Variants in BMPR1B observed in about 807,000 individuals in gnomAD.
BMPR1B encodes the protein bone morphogenetic protein receptor type 1B.
BMPR1B carries 12 observed loss-of-function variants against 59.1 expected under a neutral mutation model. The observed-to-expected ratio is 0.20, with a 90% confidence interval of 0.13 to 0.33. BMPR1B has a LOEUF of 0.33. Among genes scored for constraint, BMPR1B ranks in the 10% least tolerant of loss-of-function variants. The probability of loss-of-function intolerance (pLI) is 1.00; values close to 1 mark genes in which losing one functional copy is unlikely to be tolerated. For synonymous variants in BMPR1B, 237 were observed against 207.3 expected (o/e 1.14, Z -1.23); for missense variants, 550 against 610.9 (o/e 0.90, Z 1.05).
intron 6 of BMPR1B, among the ~76,000 whole-genome samples, chr4:95,116,265 G>A (rs1192997060): frequency 6.6e-6 from 1 of 151,928 alleles, no homozygotes; most frequent in Non-Finnish European, 1.5e-5. Flanking sequence ...ATAAAATGGG[G>A]AAGGTATCTA....
At chr4:95,036,141 A>G (rs867693051) in intron 3 of BMPR1B, among the ~76,000 whole-genome samples, 11 of 152,240 alleles carry the variant, frequency 7.2e-5, no homozygotes, top group Middle Eastern at 3.4e-3. Context: ...TTGGGGATAT[A>G]TGAGATATTT....
chr4:95,083,113 A>G (rs1238661234), intron 3 of BMPR1B, among the ~76,000 whole-genome samples: 2 of 151,840 alleles, frequency 1.3e-5, no homozygotes, highest in Admixed American at 1.3e-4. Context: ...ATCTTCCTAC[A>G]ACCTCATTTT....
chr4:95,008,308 T>C (rs1722992150), intron 3 of BMPR1B, among the ~76,000 whole-genome samples: 1 of 152,200 alleles, frequency 6.6e-6, no homozygotes, highest in South Asian at 2.1e-4. Context: ...TTCTTTTCCC[T>C]TAACCACTCT....
chr4:94,928,164 ATT>A (rs201354985), intron 2 of BMPR1B, among the ~76,000 whole-genome samples: 3 of 140,242 alleles, frequency 2.1e-5, no homozygotes. Flanking sequence ...GTTTTATTGT[ATT>A]TTTTTTTTTT....
At chr4:94,929,009 A>G (rs113135166) in intron 2 of BMPR1B, among the ~76,000 whole-genome samples, 14 of 152,224 alleles carry the variant, frequency 9.2e-5, no homozygotes, top group African/African-American at 3.4e-4. Context: ...ACACAACTCT[A>G]TGAACAGTTT....
chr4:94,984,096 G>A (rs918085741), intron 2 of BMPR1B, among the ~76,000 whole-genome samples: 1 of 152,202 alleles, frequency 6.6e-6, no homozygotes, highest in Non-Finnish European at 1.5e-5. Flanking sequence ...ATTGGAGGGG[G>A]AGGGCATGGT....
At chr4:95,110,937 G>A (rs559192381) in intron 4 of BMPR1B, among the ~76,000 whole-genome samples, 69 of 152,214 alleles carry the variant, frequency 4.5e-4, no homozygotes, top group African/African-American at 2.2e-4. Flanking sequence ...GTATCTTTGC[G>A]TTTACCTGTG....
chr4:94,934,658 G>C (rs561910125), intron 2 of BMPR1B, among the ~76,000 whole-genome samples: 1 of 152,124 alleles, frequency 6.6e-6, no homozygotes, highest in East Asian at 1.9e-4. Flanking sequence ...TTATGGAACT[G>C]AGAGTCTGAG....
At chr4:94,786,804 A>G (rs1722781628) in intron 1 of BMPR1B, among the ~76,000 whole-genome samples, 1 of 152,086 alleles carries the variant, frequency 6.6e-6, no homozygotes, top group African/African-American at 2.4e-5. Context: ...TTTGCCTCCC[A>G]AAGTGCTGGG....
intron 2 of BMPR1B, among the ~76,000 whole-genome samples, chr4:94,988,927 A>C (rs188492311): frequency 6.6e-6 from 1 of 152,022 alleles, no homozygotes; most frequent in Non-Finnish European, 1.5e-5. Flanking sequence ...CCTAGAGTCA[A>C]TTTTCTTTCT....
At chr4:94,890,839 C>A (rs535437564) in intron 2 of BMPR1B, among the ~76,000 whole-genome samples, 46 of 152,030 alleles carry the variant, frequency 3.0e-4, no homozygotes, top group African/African-American at 1.1e-3. Context: ...AGTTACCTCC[C>A]AAAGGCTCCA....
chr4:95,107,538 T>C (rs763016858), intron 4 of BMPR1B, among the ~76,000 whole-genome samples: 9 of 152,102 alleles, frequency 5.9e-5, no homozygotes, highest in Non-Finnish European at 1.0e-4. Flanking sequence ...ATGGATTAAC[T>C]TGTAGAAGTT....
At chr4:94,997,223 C>T (rs955785798) in intron 3 of BMPR1B, among the ~76,000 whole-genome samples, 2 of 151,974 alleles carry the variant, frequency 1.3e-5, no homozygotes, top group African/African-American at 2.4e-5. Flanking sequence ...GATTATAGGT[C>T]CAAAGGGTTT....
At chr4:94,811,946 C>T (rs1162730610) in intron 1 of BMPR1B, among the ~76,000 whole-genome samples, 2 of 152,036 alleles carry the variant, frequency 1.3e-5, no homozygotes, top group African/African-American at 2.4e-5. Flanking sequence ...TGTAAAGGGT[C>T]CCCATAAAGT....
intron 2 of BMPR1B, among the ~76,000 whole-genome samples, chr4:94,927,062 G>A (rs1728916819): frequency 6.6e-6 from 1 of 152,042 alleles, no homozygotes; most frequent in South Asian, 2.1e-4. Context: ...ACAATAACTG[G>A]TGAACTCAGA....
At chr4:94,881,992 G>A (rs906042072) in intron 2 of BMPR1B, among the ~76,000 whole-genome samples, 10 of 152,138 alleles carry the variant, frequency 6.6e-5, no homozygotes, top group Admixed American at 3.3e-4. Flanking sequence ...GAAAATACCC[G>A]ATTCTCATCT....
chr4:94,876,617 A>T (rs1443780517), intron 2 of BMPR1B, among the ~76,000 whole-genome samples: 2 of 152,216 alleles, frequency 1.3e-5, no homozygotes. Flanking sequence ...ATTGCCCAGG[A>T]TTATGTAGAT....
intron 6 of BMPR1B, among the ~76,000 whole-genome samples, chr4:95,121,947 CAAAG>C (rs1347405594): frequency 1.3e-5 from 2 of 152,122 alleles, no homozygotes; most frequent in East Asian, 3.8e-4. Flanking sequence ...TTGTGTATAA[CAAAG>C]AAGCCTTATG....
intron 1 of BMPR1B, among the ~76,000 whole-genome samples, chr4:94,813,887 A>T (rs539768613): frequency 2.6e-5 from 4 of 152,174 alleles, no homozygotes; most frequent in African/African-American, 9.7e-5. Flanking sequence ...GGTCTGTACA[A>T]CTGGAAGAAG....
Sources: allele counts gnomAD v4.1 joint callset (sites outside exome capture counted in the v4.1 genomes callset), GRCh38; gene constraint gnomAD v4.1.1; transcripts MANE v1.5; gene names NCBI Gene and HGNC (gene_info 2026-07-23, HGNC 2026-07-21).